The following KLF12 variants were observed in gnomAD, a reference collection of about 807,000 sequenced individuals.
KLF12 encodes KLF transcription factor 12.
KLF12 carries 9 observed loss-of-function variants against 37.8 expected under a neutral mutation model. The observed-to-expected ratio is 0.24, with a 90% CI of 0.14 to 0.42. The LOEUF is 0.42. KLF12 is among the 10% of genes least tolerant of loss of function. The pLI is 1.00. For missense variants in KLF12, 411 were observed against 516.0 expected (o/e 0.80, Z 1.97); for synonymous variants, 208 against 202.1 (o/e 1.03, Z -0.25).
chr13:74,299,676 T>C, the KLF12 span, among the ~76,000 whole-genome samples: 2 of 151,924 alleles, frequency 1.3e-5, no homozygotes, highest in African/African-American at 4.8e-5. Context: ...CCATAGAGAG[T>C]TTTGATGAAA....
chr13:73,812,497 T>A (rs146911699), intron 5 of KLF12, among the ~76,000 whole-genome samples: 2 of 152,036 alleles, frequency 1.3e-5, no homozygotes, highest in African/African-American at 4.8e-5. Context: ...GTATATAAAG[T>A]TTAATGTGTC....
intron 2 of KLF12, among the ~76,000 whole-genome samples, chr13:73,947,146 T>G (rs1250058779): frequency 1.3e-5 from 2 of 152,186 alleles, no homozygotes; most frequent in East Asian, 3.9e-4. Flanking sequence ...AGTTATCAAT[T>G]TTAGTAATGT....
At chr13:74,018,100 C>A (rs1301819447) in intron 1 of KLF12, among the ~76,000 whole-genome samples, 5 of 145,686 alleles carry the variant, frequency 3.4e-5, no homozygotes, top group Non-Finnish European at 7.5e-5. Context: ...TTTTTTTTTA[C>A]TTAAAAAAAT....
chr13:74,287,391 AG>A, the KLF12 span, among the ~76,000 whole-genome samples: 2 of 151,386 alleles, frequency 1.3e-5, no homozygotes, highest in Non-Finnish European at 2.9e-5. Context: ...AGAGAGAGAG[AG>A]AGAATCCACC....
chr13:74,207,540 A>G, the KLF12 span, among the ~76,000 whole-genome samples: 3 of 152,146 alleles, frequency 2.0e-5, no homozygotes, highest in African/African-American at 7.2e-5. Context: ...GCTGGGTATG[A>G]TGGCAGATGC....
chr13:73,943,983 C>CT lies in KLF12; in HGVS notation c.120dup (p.Gly41ArgfsTer20). The CT allele has an allele frequency of 6.2e-7, 1 of 1,605,522 alleles. No homozygotes were observed. The highest frequency in any genetic ancestry group is 8.5e-7 in the Non-Finnish European group (1 of 1,172,588). ...CATTGCTGGAAACTTGTGCTTACCC[C>CT]TTGTTCAGATTCCAAAAGCTCTGTT... On this transcript the variant is annotated frameshift_variant, in exon 3 of 8. Coordinates refer to ENST00000377669, the MANE Select transcript of KLF12 (RefSeq NM_007249.5). LOFTEE classifies it high-confidence loss of function.
intron 2 of KLF12, among the ~76,000 whole-genome samples, chr13:73,990,604 A>G (rs2138241328): frequency 6.6e-6 from 1 of 152,356 alleles, no homozygotes; most frequent in African/African-American, 2.4e-5. Context: ...GGAGTCAGGA[A>G]GAAACTTTGT....
At chr13:74,303,657 C>T in the KLF12 span, among the ~76,000 whole-genome samples, 1 of 152,134 alleles carries the variant, frequency 6.6e-6, no homozygotes, top group Non-Finnish European at 1.5e-5. Context: ...TTGTGGTATA[C>T]AGTAGAGTAC....
intron 2 of KLF12, among the ~76,000 whole-genome samples, chr13:73,947,689 G>A (rs536697923): frequency 2.0e-5 from 3 of 148,398 alleles, no homozygotes; most frequent in South Asian, 2.2e-4. Flanking sequence ...CACAGTAGTC[G>A]AGCTGACATT....
chr13:74,247,576 C>T, the KLF12 span, among the ~76,000 whole-genome samples: 2 of 152,154 alleles, frequency 1.3e-5, no homozygotes, highest in Non-Finnish European at 2.9e-5. Context: ...GATAATTTAC[C>T]TATGAAACCA....
Position 73,971,062 on chromosome 13 carries a change from T to C in KLF12, c.33+23928A>G, listed in dbSNP as rs144121525. Among the ~76,000 whole-genome samples the C allele has an allele frequency of 1.1e-3, 171 of 152,310 alleles. 2 individuals are homozygous for C. Among genetic ancestry groups the C allele is most frequent in the African/African-American group, 4.0e-3 (165 of 41,578 alleles). On this transcript the variant is annotated intron_variant, in intron 2 of 7. Coordinates refer to ENST00000377669, the MANE Select transcript of KLF12 (RefSeq NM_007249.5). ...TTATGGATTTTTAAGTGTTAAAATA[T>C]TGTAAGCACCCAAAAATGAGAAAGT...
intron 2 of KLF12, among the ~76,000 whole-genome samples, chr13:73,982,137 T>A (rs1891703748): frequency 6.6e-6 from 1 of 152,212 alleles, no homozygotes; most frequent in African/African-American, 2.4e-5. Context: ...ACTTTCAAAG[T>A]CTGATTTTGA....
chr13:74,271,878 T>C, the KLF12 span, among the ~76,000 whole-genome samples: 1 of 152,152 alleles, frequency 6.6e-6, no homozygotes, highest in South Asian at 2.1e-4. Flanking sequence ...GACCAGACTC[T>C]AGCTAGGAAG....
intron 3 of KLF12, among the ~76,000 whole-genome samples, chr13:73,933,645 A>G (rs1044225548): frequency 5.3e-5 from 8 of 152,168 alleles, no homozygotes; most frequent in African/African-American, 1.9e-4. Context: ...CATTGTAAGT[A>G]TAAGGAAGGC....
Position 73,806,846 on chromosome 13 carries a change from A to G in KLF12, c.806+6306T>C, listed in dbSNP as rs376361944. 1.2e-4 allele frequency among the ~76,000 whole-genome samples: 18 copies of G among 152,094 alleles called. No homozygotes were observed. In the South Asian group the frequency reaches 3.7e-3, roughly 32 times the overall value. On this transcript the variant is annotated intron_variant, in intron 5 of 7. Transcript: ENST00000377669. ...AGTTCTTGTTTTCCCTTTATTACTC[A>G]TCTCTTCTACTATTCTCTAGTGTGA...
At chr13:74,128,746 T>C (rs1051028330) in intron 1 of KLF12, among the ~76,000 whole-genome samples, 15 of 152,248 alleles carry the variant, frequency 9.9e-5, no homozygotes, top group African/African-American at 3.4e-4. Context: ...GGGTTGTTTT[T>C]CTTTTGTTAC....
intron 3 of KLF12, among the ~76,000 whole-genome samples, chr13:73,869,530 T>C (rs982415872): frequency 1.3e-5 from 2 of 152,142 alleles, no homozygotes; most frequent in Non-Finnish European, 2.9e-5. Flanking sequence ...ATTTTCAAAA[T>C]TGTAGACATA....
intron 3 of KLF12, among the ~76,000 whole-genome samples, chr13:73,929,404 GC>G (rs560697931): frequency 2.0e-3 from 309 of 152,280 alleles, no homozygotes; most frequent in Non-Finnish European, 3.8e-3. Flanking sequence ...TAAGTAGCTT[GC>G]CCAGGTTACA....
chr13:74,228,235 A>G, the KLF12 span, among the ~76,000 whole-genome samples: 2 of 152,128 alleles, frequency 1.3e-5, no homozygotes, highest in African/African-American at 2.4e-5. Flanking sequence ...TCTGCACCGT[A>G]TGTTAAAAAA....
Sources: allele counts gnomAD v4.1 joint callset (sites outside exome capture counted in the v4.1 genomes callset), GRCh38; gene constraint gnomAD v4.1.1; transcripts MANE v1.5; gene names NCBI Gene and HGNC (gene_info 2026-07-23, HGNC 2026-07-21).